The following PSPC1 variants were observed in gnomAD, a reference collection of about 807,000 sequenced individuals.
PSPC1 encodes paraspeckle protein 1.
A neutral mutation model predicts 51.6 loss-of-function variants in PSPC1; 14 were observed. That is an observed-to-expected ratio of 0.27 (90% CI 0.18 to 0.42). The LOEUF is 0.42. Among genes scored for constraint, PSPC1 ranks in the 10% least tolerant of loss-of-function variants. PSPC1 has a pLI of 1.00. For missense variants in PSPC1, 406 were observed against 701.1 expected (o/e 0.58, Z 4.75); for synonymous variants, 193 against 231.9 (o/e 0.83, Z 1.53).
chr13:19,722,340 AAT>A (rs1197766345), intron 6 of PSPC1, among the ~76,000 whole-genome samples: 2 of 151,828 alleles, frequency 1.3e-5, no homozygotes, highest in African/African-American at 2.4e-5. Flanking sequence ...CTACAAAAAA[AAT>A]GTTTTTAATT....
At chr13:19,781,067 G>A (rs995636890) in intron 1 of PSPC1, among the ~76,000 whole-genome samples, 1 of 151,576 alleles carries the variant, frequency 6.6e-6, no homozygotes, top group Non-Finnish European at 1.5e-5. Flanking sequence ...GGAGGCTGAG[G>A]TGGGAGAACT....
intron 8 of PSPC1, among the ~76,000 whole-genome samples, chr13:19,705,195 C>G: frequency 6.6e-6 from 1 of 152,240 alleles, no homozygotes; most frequent in South Asian, 2.1e-4. Context: ...AATTCTTGGA[C>G]TACTTAAAAA....
Position 19,782,604 on chromosome 13 carries a change from G to A in PSPC1, c.154C>T (p.Pro52Ser). The A allele has an allele frequency of 1.3e-6, 2 of 1,581,068 alleles. No individual in the cohort carries two copies. The change falls in exon 1 of 9, where the codon CCT (proline) becomes TCT (serine). Residue 52 changes from proline (P) to serine (S), a missense_variant. By Grantham distance (74) the Pro-to-Ser change is moderately conservative. Around this residue, in one of 5 missense-constraint regions of PSPC1, gnomAD observed 128 missense variants for 107.1 expected, o/e 1.20. Coordinates refer to ENST00000338910, the MANE Select transcript of PSPC1 (RefSeq NM_001354909.2). The surrounding 1 kb of genome is among the most constrained non-coding windows in gnomAD (Gnocchi z 4.5). ...TCCTCGTCCGGGTGGTCCTCTGGAG[G>A]CGCGGGCGCGGGCGGTGCCGGCTCC... ...AGEPAPPAPA[P>S]PEDHPDEEMG...
intron 6 of PSPC1, among the ~76,000 whole-genome samples, chr13:19,684,720 T>A (rs1041787381): frequency 1.3e-5 from 2 of 152,310 alleles, no homozygotes; most frequent in Non-Finnish European, 2.9e-5. Context: ...TCTGTTTAAA[T>A]GCAGGGGGAA....
intron 4 of PSPC1, among the ~76,000 whole-genome samples, chr13:19,742,232 T>G (rs1593681323): frequency 7.7e-6 from 1 of 130,348 alleles, no homozygotes; most frequent in African/African-American, 2.8e-5. Context: ...GAAGCCCAGG[T>G]GGGCAACAGA....
At chr13:19,729,407 C>T (rs961269710) in intron 6 of PSPC1, among the ~76,000 whole-genome samples, 5 of 151,706 alleles carry the variant, frequency 3.3e-5, no homozygotes, top group African/African-American at 9.7e-5. Context: ...TGTGGTGGTG[C>T]GCACCTGTAA....
At chr13:19,759,302 T>G (rs771497312) in intron 3 of PSPC1, 21 bp downstream of exon 3, 6 of 1,562,542 alleles carry the variant, frequency 3.8e-6, no homozygotes, top group Non-Finnish European at 4.4e-6. Context: ...AGACACAAAT[T>G]ATCTATTAAT....
chr13:19,694,152 CA>C (rs1285058597), intron 6 of PSPC1, among the ~76,000 whole-genome samples: 4 of 119,886 alleles, frequency 3.3e-5, no homozygotes, highest in African/African-American at 3.2e-5. Context: ...AAAAAAAAAC[CA>C]TATATATATA....
downstream of PSPC1, chr13:19,673,278 T>C (rs1195594297): frequency 1.1e-5 from 4 of 371,750 alleles, no homozygotes; most frequent in South Asian, 4.0e-5. Flanking sequence ...TATGGAGAAG[T>C]TGAAAATTGT....
chr13:19,744,263 A>G (rs1310831635), intron 4 of PSPC1, among the ~76,000 whole-genome samples: 1 of 152,118 alleles, frequency 6.6e-6, no homozygotes, highest in East Asian at 1.9e-4. Flanking sequence ...AGTCTCCCCA[A>G]CAGCCAGGAC....
chr13:19,778,013 G>C (rs1174567832), intron 1 of PSPC1, among the ~76,000 whole-genome samples: 1 of 152,122 alleles, frequency 6.6e-6, no homozygotes, highest in Non-Finnish European at 1.5e-5. Context: ...GGAGGCCAAG[G>C]CGGGCGGATC....
chr13:19,718,008 A>T (rs575238724), intron 6 of PSPC1, among the ~76,000 whole-genome samples: 1 of 152,110 alleles, frequency 6.6e-6, no homozygotes, highest in Non-Finnish European at 1.5e-5. Context: ...GCGTCACTGC[A>T]CTCCAGCCTG....
chr13:19,691,849 T>A (rs899936368), intron 6 of PSPC1, among the ~76,000 whole-genome samples: 7 of 151,736 alleles, frequency 4.6e-5, no homozygotes, highest in African/African-American at 1.7e-4. Flanking sequence ...ACCTGGGAGG[T>A]GGATGTTGCA....
At chr13:19,709,499 C>A (rs750729869) in intron 7 of PSPC1, 43 bp downstream of exon 7, 5 of 1,522,046 alleles carry the variant, frequency 3.3e-6, no homozygotes, top group Non-Finnish European at 2.7e-6. Context: ...ACAGTCCCCC[C>A]AAAAATGATA....
chr13:19,706,332 G>GT (rs536322636), intron 7 of PSPC1, among the ~76,000 whole-genome samples: 227 of 144,226 alleles, frequency 1.6e-3, no homozygotes, highest in South Asian at 0.011. Context: ...TCTCATCTTA[G>GT]TTTTTTTTTT....
At chr13:19,758,650 T>C (rs1887320180) in intron 3 of PSPC1, among the ~76,000 whole-genome samples, 1 of 151,912 alleles carries the variant, frequency 6.6e-6, no homozygotes, top group Non-Finnish European at 1.5e-5. Context: ...CTGGCCAACA[T>C]GGCGAAACCC....
At chr13:19,708,104 C>T (rs558505537) in intron 7 of PSPC1, among the ~76,000 whole-genome samples, 10 of 152,260 alleles carry the variant, frequency 6.6e-5, no homozygotes, top group Admixed American at 3.9e-4. Context: ...TCACTAACTA[C>T]TTGTTGGTAA....
At chr13:19,741,534 A>T (rs759190345) in intron 5 of PSPC1, 31 bp downstream of exon 5, 1 of 1,449,688 alleles carries the variant, frequency 6.9e-7, no homozygotes, top group South Asian at 1.2e-5. Flanking sequence ...AAGACATACA[A>T]TTCATGTTTC....
At chr13:19,777,206 G>C (rs538614977) in intron 1 of PSPC1, among the ~76,000 whole-genome samples, 1 of 150,122 alleles carries the variant, frequency 6.7e-6, no homozygotes, top group East Asian at 2.0e-4. Context: ...GAGGCGGGTG[G>C]ATCACCTGAG....
Sources: allele counts gnomAD v4.1 joint callset (sites outside exome capture counted in the v4.1 genomes callset), GRCh38; gene constraint gnomAD v4.1.1; regional missense constraint gnomAD v4.1.1; non-coding constraint Gnocchi (gnomAD v3.1); transcripts MANE v1.5; gene names NCBI Gene and HGNC (gene_info 2026-07-23, HGNC 2026-07-21).